The following SMO variants were observed in gnomAD, a reference collection of about 807,000 sequenced individuals.
SMO encodes the protein smoothened, frizzled class receptor, also known as protein smoothened.
SMO carries 40 observed loss-of-function variants against 81.6 expected under a neutral mutation model. The observed-to-expected ratio is 0.49, with a 90% confidence interval of 0.38 to 0.64. The LOEUF is 0.64. SMO is among the 30% of genes least tolerant of loss of function. The probability of loss-of-function intolerance (pLI) is 0.00; values close to 1 mark genes in which losing one functional copy is unlikely to be tolerated. For missense variants in SMO, 916 were observed against 1,061.1 expected (o/e 0.86, Z 1.90); for synonymous variants, 434 against 432.1 (o/e 1.00, Z -0.05).
intron 1 of SMO, among the ~76,000 whole-genome samples, chr7:129,197,198 T>C (rs572403246): frequency 3.4e-4 from 52 of 152,278 alleles, no homozygotes; most frequent in African/African-American, 1.2e-3. Flanking sequence ...TTATACCTTT[T>C]ATTTATCCTT....
chr7:129,189,218 C>A lies in SMO; in HGVS notation c.67C>A (p.Leu23Met). The change falls in exon 1 of 12, where the codon CTG becomes ATG. Residue 23 changes from leucine to methionine, a missense_variant. Coordinates refer to ENST00000249373, the MANE Select transcript of SMO (RefSeq NM_005631.5). This position sits in a 1 kb window ranked among gnomAD's most constrained non-coding sequence, Gnocchi z 4.7. Reference sequence around the variant, plus strand: ...CCTGGGGCTGCTGCTGCTGCTGCTGCTGGGGGACCCGGGCCGGGGGGCGGC... The same window carrying A: ...CCTGGGGCTGCTGCTGCTGCTGCTGATGGGGGACCCGGGCCGGGGGGCGGC... Reference protein sequence around the residue: ...PLLGLLLLLLLGDPGRGAASS... With the variant: ...PLLGLLLLLLMGDPGRGAASS... 8.7e-7 allele frequency: 1 copy of A among 1,146,716 alleles called. No individual in the cohort carries two copies. The highest frequency in any genetic ancestry group is 1.1e-6 in the Non-Finnish European group (1 of 913,790). The allele number at this position is 1,146,716 out of a possible 1,614,324, so 71.0% of individuals were successfully genotyped here.
In SMO at chr7:129,205,685, T is replaced by C. The variant is rs951840772; in HGVS notation, c.823T>C (p.Phe275Leu). 6.2e-7 allele frequency: 1 copy of C among 1,613,730 alleles called. No individual in the cohort carries two copies. Residue 275 changes from phenylalanine to leucine, a missense_variant, in exon 4 of 12, where the codon TTT becomes CTT. Around this residue, in one of 4 missense-constraint regions of SMO, gnomAD observed 436 missense variants for 570.9 expected, o/e 0.76. Coordinates refer to ENST00000249373, the MANE Select transcript of SMO (RefSeq NM_005631.5). ...TCTCTTCTACGTCAATGCGTGCTTC[T>C]TTGTGGGCAGCATTGGCTGGCTGGC... ...VILFYVNACF[F>L]VGSIGWLAQF...
In SMO at chr7:129,206,337, G is replaced by C. The variant is rs2150650308; in HGVS notation, c.1108G>C (p.Val370Leu). 6.2e-7 allele frequency: 1 copy of C among 1,614,160 alleles called. No homozygotes were observed. The highest frequency in any genetic ancestry group is 8.5e-7 in the Non-Finnish European group (1 of 1,180,040). The change falls in exon 5 of 12, where the codon GTC becomes CTC. Residue 370 changes from valine to leucine, a missense_variant. By Grantham distance (32) the Val-to-Leu change is conservative (BLOSUM62 1). This residue lies in a region of SMO where 436 missense variants were observed against 570.9 expected (regional missense o/e 0.76). Coordinates refer to ENST00000249373, the MANE Select transcript of SMO (RefSeq NM_005631.5). This position sits in a 1 kb window ranked among gnomAD's most constrained non-coding sequence, Gnocchi z 4.4. ...CCTGCTCACCTGGTCACTCCCCTTT[G>C]TCCTCACTGTGGCAATCCTTGCTGT... The part of the protein sequence containing the change: ...FHLLTWSLPF[V>L]LTVAILAVAQ...
Position 129,208,806 on chromosome 7 carries a change from A to G in SMO, c.1312A>G (p.Ser438Gly), listed in dbSNP as rs1279802916. ...SIKSNHPGLL[S>G]EKAASKINET... ...CAAGAGCAACCACCCCGGGCTGCTG[A>G]GTGAGAAGGCTGCCAGCAAGATCAA... The change falls in exon 7 of 12, where the codon AGT becomes GGT. Residue 438 changes from serine (S) to glycine (G), a missense_variant. Transcript: ENST00000249373. The surrounding 1 kb of genome is among the most constrained non-coding windows in gnomAD (Gnocchi z 5.2). 8 of 1,614,020 alleles carry G rather than the reference A, an allele frequency of 5.0e-6. No homozygotes were observed. Among genetic ancestry groups the G allele is most frequent in the Non-Finnish European group, 6.8e-6 (8 of 1,179,950 alleles).
rs530799930 is a variant in SMO at position 129,204,279 on chromosome 7, G to A, written c.537+690G>A. On this transcript the variant is annotated intron_variant, in intron 2 of 11. Transcript: ENST00000249373. ...ACCCGGGAGGTGGAAGTTGCAGTGAGCTGAGATCGTGCCACTGAACTCCAG... is the reference window on the plus strand; with the variant it reads ...ACCCGGGAGGTGGAAGTTGCAGTGAACTGAGATCGTGCCACTGAACTCCAG... Among the ~76,000 whole-genome samples, 11 of 152,212 alleles carry A rather than the reference G, an allele frequency of 7.2e-5. No individual in the cohort carries two copies. In the South Asian group the frequency reaches 1.7e-3, roughly 23 times the overall value.
At position 129,210,582 on chromosome 7, in the gene SMO, C is replaced by T. The variant is rs760197259; in HGVS notation, c.1652+34C>T. 18 of 1,546,382 alleles carry T rather than the reference C, an allele frequency of 1.2e-5. No individual in the cohort carries two copies. The highest frequency in any genetic ancestry group is 1.7e-4 in the Middle Eastern group (1 of 5,952). Reference sequence around the variant, plus strand: ...GGCAGCCAGCCCCTCCTGCCCTGCCCGCCTCACCCTCAGCCTTGGGACCCC... The same window carrying T: ...GGCAGCCAGCCCCTCCTGCCCTGCCTGCCTCACCCTCAGCCTTGGGACCCC... On this transcript the variant is annotated intron_variant, in intron 9 of 11. Coordinates refer to ENST00000249373, the MANE Select transcript of SMO (RefSeq NM_005631.5). This position sits in a 1 kb window ranked among gnomAD's most constrained non-coding sequence, Gnocchi z 4.7.
At chr7:129,190,816 T>C (rs1284048684) in intron 1 of SMO, among the ~76,000 whole-genome samples, 1 of 152,204 alleles carries the variant, frequency 6.6e-6, no homozygotes, top group African/African-American at 2.4e-5. Context: ...ACTCTGCAGA[T>C]TACCATAGTG....
chr7:129,210,927 GCTT>G lies in SMO; in HGVS notation c.1653-33_1653-31del, dbSNP rs1445781044. 1.9e-6 allele frequency: 3 copies of G among 1,545,350 alleles called. No homozygotes were observed. In the East Asian group the frequency reaches 6.8e-5, roughly 35 times the overall value. ...TCCCAAGATTTGATGGGAAGTGGCAGCTTCTTCACGCTCCTTCCCTATCCCTTC... is the reference window on the plus strand; with the variant it reads ...TCCCAAGATTTGATGGGAAGTGGCAGCTTCACGCTCCTTCCCTATCCCTTC... On this transcript the variant is annotated intron_variant, in intron 9 of 11. Coordinates refer to ENST00000249373, the MANE Select transcript of SMO (RefSeq NM_005631.5). This position sits in a 1 kb window ranked among gnomAD's most constrained non-coding sequence, Gnocchi z 4.7.
In SMO at chr7:129,206,319, A is replaced by C. The variant is rs2150650267; in HGVS notation, c.1090A>C (p.Thr364Pro). 1 of 1,614,038 alleles carries C rather than the reference A, an allele frequency of 6.2e-7. No homozygotes were observed. The highest frequency in any genetic ancestry group is 8.5e-7 in the Non-Finnish European group (1 of 1,179,998). The stretch of plus-strand genomic sequence containing the variant: ...CAAGACCTCCTACTTCCACCTGCTC[A>C]CCTGGTCACTCCCCTTTGTCCTCAC... ...SGKTSYFHLL[T>P]WSLPFVLTVA... Residue 364 changes from threonine (T) to proline (P), a missense_variant, in exon 5 of 12, where the codon ACC becomes CCC. Physicochemically the swap from Thr to Pro is conservative, Grantham distance 38. This residue lies in a region of SMO where 436 missense variants were observed against 570.9 expected (regional missense o/e 0.76). Coordinates refer to ENST00000249373, the MANE Select transcript of SMO (RefSeq NM_005631.5). This position sits in a 1 kb window ranked among gnomAD's most constrained non-coding sequence, Gnocchi z 4.4.
rs1312696920 is a variant in SMO, at chr7:129,206,479, G to A, written c.1156G>A (p.Val386Met). The change falls in exon 6 of 12, where the codon GTG (valine) becomes ATG (methionine). Residue 386 changes from valine (V) to methionine (M), a missense_variant. Val to Met is a conservative substitution (Grantham distance 21, BLOSUM62 1). Coordinates refer to ENST00000249373, the MANE Select transcript of SMO (RefSeq NM_005631.5). The surrounding 1 kb of genome is among the most constrained non-coding windows in gnomAD (Gnocchi z 4.4). ...CCTGCTGCAGGTGGATGGGGACTCTGTGAGTGGGATTTGTTTTGTGGGCTA... is the reference window on the plus strand; with the variant it reads ...CCTGCTGCAGGTGGATGGGGACTCTATGAGTGGGATTTGTTTTGTGGGCTA... ...LAVAQVDGDS[V>M]SGICFVGYKN... 6.2e-7 allele frequency: 1 copy of A among 1,613,994 alleles called. No homozygotes were observed. Among genetic ancestry groups the A allele is most frequent in the African/African-American group, 1.3e-5 (1 of 74,940 alleles).
chr7:129,196,679 A>G (rs1001515531), intron 1 of SMO, among the ~76,000 whole-genome samples: 4 of 152,132 alleles, frequency 2.6e-5, no homozygotes, highest in Non-Finnish European at 5.9e-5. Context: ...GCTGTTGTAA[A>G]TGATGCCTTT....
In SMO at chr7:129,206,716, C is replaced by CAG. The variant is rs10622446; in HGVS notation, c.1264+130_1264+131dup. The CAG allele has an allele frequency of 0.81, 723,355 of 896,984 alleles. 294,996 individuals carry two copies. Among genetic ancestry groups the CAG allele is most frequent in the Middle Eastern group, 0.88 (2,545 of 2,902 alleles). 55.6% of individuals were successfully genotyped at this position (896,984 alleles called of 1,614,324 possible). ...AGCTAGCTCCTATAGGGCCTTCACA[C>CAG]AGTAGAAGGTGACCCTCTAGGCAGA... is the stretch of plus-strand genomic sequence containing the variant. On this transcript the variant is annotated intron_variant, in intron 6 of 11. Transcript: ENST00000249373. This position sits in a 1 kb window ranked among gnomAD's most constrained non-coding sequence, Gnocchi z 4.4.
At chr7:129,199,431 C>T (rs1318608216) in intron 1 of SMO, among the ~76,000 whole-genome samples, 1 of 151,838 alleles carries the variant, frequency 6.6e-6, no homozygotes, top group African/African-American at 2.4e-5. Flanking sequence ...GTCCACCTGC[C>T]TCGGCCTCCC....
In SMO at chr7:129,208,906, C is replaced by T; in HGVS notation, c.1357+55C>T. ...GGTCCTGGCCAGCCCAACACTGCACCCTCCTGGGGCTATGCGACCGGCAGG... is the reference window on the plus strand; with the variant it reads ...GGTCCTGGCCAGCCCAACACTGCACTCTCCTGGGGCTATGCGACCGGCAGG... On this transcript the variant is annotated intron_variant, in intron 7 of 11. Coordinates refer to ENST00000249373, the MANE Select transcript of SMO (RefSeq NM_005631.5). This position sits in a 1 kb window ranked among gnomAD's most constrained non-coding sequence, Gnocchi z 5.2. The T allele has an allele frequency of 8.2e-7, 1 of 1,216,632 alleles. No homozygotes were observed. Among genetic ancestry groups the T allele is most frequent in the Non-Finnish European group, 1.2e-6 (1 of 826,820 alleles). 75.4% of individuals were successfully genotyped at this position (1,216,632 alleles called of 1,614,324 possible). A position where few individuals can be genotyped will look rare whatever the true frequency, so the allele number is the denominator to read the frequency against.
chr7:129,206,342 C>T lies in SMO; in HGVS notation c.1113C>T (p.Leu371=), dbSNP rs2150650316. ...TCACCTGGTCACTCCCCTTTGTCCT[C>T]ACTGTGGCAATCCTTGCTGTGGCGC... ...HLLTWSLPFV[L]TVAILAVAQV... The change falls in exon 5 of 12, where the codon CTC becomes CTT. Residue 371 remains leucine (L), a synonymous_variant. Transcript: ENST00000249373. This position sits in a 1 kb window ranked among gnomAD's most constrained non-coding sequence, Gnocchi z 4.4. 6 of 1,614,190 alleles carry T rather than the reference C, an allele frequency of 3.7e-6. No individual in the cohort carries two copies. The highest frequency in any genetic ancestry group is 1.7e-6 in the Non-Finnish European group (2 of 1,180,030).
chr7:129,198,954 T>C (rs1032351865), intron 1 of SMO, among the ~76,000 whole-genome samples: 8 of 152,224 alleles, frequency 5.3e-5, no homozygotes, highest in African/African-American at 1.9e-4. Flanking sequence ...GGTCTCCTAT[T>C]GATGGATATG....
At chr7:129,205,881 G>C in intron 4 of SMO, 99 bp downstream of exon 4, 3 of 1,078,446 alleles carry the variant, frequency 2.8e-6, no homozygotes, top group Non-Finnish European at 4.0e-6. Flanking sequence ...CGAGATCCAG[G>C]GCAGGATCTG....
intron 1 of SMO, among the ~76,000 whole-genome samples, chr7:129,193,456 G>T (rs189827893): frequency 4.6e-5 from 7 of 152,130 alleles, no homozygotes; most frequent in African/African-American, 9.6e-5. Context: ...GGTAATCAGA[G>T]TCAGTTAAAA....
intron 2 of SMO, among the ~76,000 whole-genome samples, chr7:129,204,647 C>A (rs1793728721): frequency 6.7e-6 from 1 of 149,320 alleles, no homozygotes; most frequent in Non-Finnish European, 1.5e-5. Flanking sequence ...CTCTGTCTCT[C>A]TCTTTCTATA....
Sources: gnomAD v4.1 joint callset for allele counts (sites outside exome capture counted in the v4.1 genomes callset) on GRCh38, gnomAD v4.1.1 for gene constraint, gnomAD v4.1.1 regional missense constraint, Gnocchi (gnomAD v3.1) non-coding constraint, MANE v1.5 for transcripts, NCBI Gene and HGNC (gene_info 2026-07-23, HGNC 2026-07-21) for gene names.